Variants in CRK observed in about 807,000 individuals in gnomAD.
The protein encoded by CRK is adapter molecule crk.
CRK carries 4 observed loss-of-function variants against 29.8 expected under a neutral mutation model. The observed-to-expected ratio is 0.13, with a 90% CI of 0.07 to 0.31. The LOEUF (loss-of-function observed/expected upper bound fraction) is 0.31, where lower values mean the gene tolerates loss of function less well. Among genes scored for constraint, CRK ranks in the 10% least tolerant of loss-of-function variants. The pLI is 1.00. For synonymous variants in CRK, 153 were observed against 164.9 expected (o/e 0.93, Z 0.55); for missense variants, 274 against 396.5 (o/e 0.69, Z 2.62).
intron 2 of CRK, among the ~76,000 whole-genome samples, chr17:1,430,937 A>G (rs140109875): frequency 0.022 from 3,387 of 151,880 alleles, 109 homozygotes; most frequent in African/African-American, 0.071. Context: ...GCGTGGTAGC[A>G]GGCGCCTGTA....
At chr17:1,450,200 G>A (rs2074006401) in intron 1 of CRK, among the ~76,000 whole-genome samples, 1 of 151,954 alleles carries the variant, frequency 6.6e-6, no homozygotes, top group South Asian at 2.1e-4. Flanking sequence ...GCAAGACTCT[G>A]TCTCAAAACA....
chr17:1,437,282 G>A (rs1202488810), intron 1 of CRK, 127 bp from the exon 2 acceptor site: 1 of 1,008,262 alleles, frequency 9.9e-7, no homozygotes, highest in Non-Finnish European at 1.4e-6. Context: ...GACCTCCGGG[G>A]CTCAAGTGAT....
chr17:1,445,489 C>A (rs1374695604), intron 1 of CRK, among the ~76,000 whole-genome samples: 1 of 152,156 alleles, frequency 6.6e-6, no homozygotes, highest in East Asian at 1.9e-4. Flanking sequence ...GCAAAAGTTC[C>A]GAGGGCAGGA....
intron 1 of CRK, among the ~76,000 whole-genome samples, chr17:1,447,840 C>T (rs2073986927): frequency 6.6e-6 from 1 of 152,004 alleles, no homozygotes; most frequent in Non-Finnish European, 1.5e-5. Flanking sequence ...TGGTCTCGAA[C>T]TCCTGACCTC....
intron 2 of CRK, among the ~76,000 whole-genome samples, chr17:1,425,703 A>G (rs1013326465): frequency 6.6e-6 from 1 of 152,252 alleles, no homozygotes; most frequent in African/African-American, 2.4e-5. Context: ...GTCCAGCCGC[A>G]GGGCCTCTTC....
Position 1,423,388 on chromosome 17 carries a change from A to AC in CRK, c.*124dup. 1 of 1,195,588 alleles carries AC rather than the reference A, an allele frequency of 8.4e-7. No homozygotes were observed. The highest frequency in any genetic ancestry group is 1.2e-6 in the Non-Finnish European group (1 of 860,820). 74.1% of individuals were successfully genotyped at this position (1,195,588 alleles called of 1,614,324 possible). On this transcript the variant is annotated 3_prime_UTR_variant, in exon 3 of 3. Coordinates refer to ENST00000300574, the MANE Select transcript of CRK (RefSeq NM_016823.4). ...GGAGCAGTTCAGTCTAAAAAATATC[A>AC]CAGGTAACAGAATGCTTATATAAAC...
intron 1 of CRK, among the ~76,000 whole-genome samples, chr17:1,448,968 G>A (rs1209513723): frequency 6.6e-6 from 1 of 152,146 alleles, no homozygotes; most frequent in Non-Finnish European, 1.5e-5. Context: ...CAGTGAGGCT[G>A]TAGTGAGCTA....
At chr17:1,431,819 A>C (rs1320686721) in intron 2 of CRK, among the ~76,000 whole-genome samples, 2 of 152,202 alleles carry the variant, frequency 1.3e-5, no homozygotes, top group Non-Finnish European at 2.9e-5. Flanking sequence ...TACAAAGGTG[A>C]AACCGAGTGC....
chr17:1,428,805 A>C (rs2073807573), intron 2 of CRK, among the ~76,000 whole-genome samples: 1 of 150,334 alleles, frequency 6.7e-6, no homozygotes, highest in African/African-American at 2.5e-5. Flanking sequence ...TACAGGCGTG[A>C]GCCACCACGC....
At chr17:1,451,933 C>T (rs546232912) in intron 1 of CRK, among the ~76,000 whole-genome samples, 6 of 152,172 alleles carry the variant, frequency 3.9e-5, no homozygotes, top group South Asian at 2.1e-4. Flanking sequence ...TTCAGTGAGC[C>T]GAGACTGCAC....
intron 1 of CRK, among the ~76,000 whole-genome samples, chr17:1,442,346 T>A (rs1366509062): frequency 2.0e-5 from 3 of 151,648 alleles, no homozygotes; most frequent in African/African-American, 7.3e-5. Context: ...GAGATGGGGT[T>A]TTGCTATGTT....
At position 1,423,013 on chromosome 17, in the gene CRK, G is replaced by A. The variant is rs1017448687; in HGVS notation, c.*500C>T. 2.5e-6 allele frequency: 1 copy of A among 399,222 alleles called. No individual in the cohort carries two copies. The highest frequency in any genetic ancestry group is 2.1e-5 in the African/African-American group (1 of 48,630). 24.7% of individuals were successfully genotyped at this position (399,222 alleles called of 1,614,324 possible). A position where few individuals can be genotyped will look rare whatever the true frequency, so the allele number is the denominator to read the frequency against. On this transcript the variant is annotated 3_prime_UTR_variant, in exon 3 of 3. Transcript: ENST00000300574. ...CTTAGGATCTGAAATGTCAGAATGAGTCACACGCTGGTCATGCTCCATACA... is the reference window on the plus strand; with the variant it reads ...CTTAGGATCTGAAATGTCAGAATGAATCACACGCTGGTCATGCTCCATACA...
At chr17:1,424,067 G>GTTTTTTT (rs58338503) in intron 2 of CRK, among the ~76,000 whole-genome samples, 8 of 109,826 alleles carry the variant, frequency 7.3e-5, no homozygotes, top group South Asian at 6.4e-4. Flanking sequence ...AGCTTTCTCC[G>GTTTTTTT]TTTTTTTTTT....
intron 1 of CRK, among the ~76,000 whole-genome samples, chr17:1,444,694 C>T (rs1277206997): frequency 2.7e-5 from 4 of 150,766 alleles, no homozygotes; most frequent in Admixed American, 1.3e-4. Flanking sequence ...ATTAGCCAGG[C>T]GTGAGTCTCA....
chr17:1,436,505 G>A (rs980612497), intron 2 of CRK, 115 bp downstream of exon 2: 31 of 1,149,774 alleles, frequency 2.7e-5, no homozygotes, highest in Non-Finnish European at 3.7e-5. Flanking sequence ...AGTGCTTAGC[G>A]GCTTGCCATC....
chr17:1,448,525 A>AAGT (rs2073992373), intron 1 of CRK, among the ~76,000 whole-genome samples: 1 of 147,294 alleles, frequency 6.8e-6, no homozygotes, highest in South Asian at 2.2e-4. Context: ...GGGGAGGCTG[A>AAGT]GGCAGGAGAA....
In CRK at chr17:1,433,508, G is replaced by GA. The variant is rs1568012299; in HGVS notation, c.777+3111_777+3112insT. ...CCACAGGTGCACACCACCACGCCTG[G>GA]CTTTTTTTTTTTTTTTTTTTTTTTT... On this transcript the variant is annotated intron_variant, in intron 2 of 2. Transcript: ENST00000300574. 2.0e-3 allele frequency among the ~76,000 whole-genome samples: 227 copies of GA among 114,360 alleles called. 8 individuals carry two copies. Among genetic ancestry groups the GA allele is most frequent in the African/African-American group, 7.5e-3 (210 of 28,006 alleles). The allele number at this position is 114,360 out of a possible 152,430, so 75.0% of individuals were successfully genotyped here.
At chr17:1,442,475 G>A (rs369794932) in intron 1 of CRK, among the ~76,000 whole-genome samples, 16 of 151,770 alleles carry the variant, frequency 1.1e-4, no homozygotes, top group African/African-American at 2.9e-4. Context: ...AGCCAGTGCC[G>A]TACTGAGATT....
At chr17:1,437,853 A>G (rs2073899594) in intron 1 of CRK, among the ~76,000 whole-genome samples, 4 of 144,622 alleles carry the variant, frequency 2.8e-5, no homozygotes, top group Non-Finnish European at 1.5e-5. Flanking sequence ...TTTAGTAGAG[A>G]CGGGGTTTCA....
Sources: allele counts gnomAD v4.1 joint callset (sites outside exome capture counted in the v4.1 genomes callset), GRCh38; gene constraint gnomAD v4.1.1; transcripts MANE v1.5; gene names NCBI Gene and HGNC (gene_info 2026-07-23, HGNC 2026-07-21).